The following FILIP1 variants were observed in gnomAD, a reference collection of about 807,000 sequenced individuals.
FILIP1 encodes filamin-A-interacting protein 1.
A neutral mutation model predicts 102.1 loss-of-function variants in FILIP1; 61 were observed. The observed-to-expected ratio is 0.60, with a 90% CI of 0.49 to 0.74. The LOEUF (loss-of-function observed/expected upper bound fraction) is 0.74. FILIP1 is among the 30% of genes least tolerant of loss of function. FILIP1 has a pLI of 0.00. For synonymous variants in FILIP1, 491 were observed against 526.9 expected, an observed-to-expected ratio of 0.93 and a Z score of 0.93; for missense variants, 1,314 against 1,441.2, an observed-to-expected ratio of 0.91 and a Z score of 1.43.
At chr6:75,400,229 T>C (rs1478114642) in intron 2 of FILIP1, among the ~76,000 whole-genome samples, 1 of 152,182 alleles carries the variant, frequency 6.6e-6, no homozygotes, top group Non-Finnish European at 1.5e-5. Flanking sequence ...CCTTTGCATT[T>C]AACATGCAAT....
rs1265941176 is a variant in FILIP1, at chr6:75,325,602, AG to A, written c.630-10401del. Among the ~76,000 whole-genome samples, 4 of 152,236 alleles carry A rather than the reference AG, an allele frequency of 2.6e-5. No individual in the cohort carries two copies. The East Asian group carries it at 5.8e-4, about 22-fold the overall frequency. On this transcript the variant is annotated intron_variant, in intron 4 of 5. Transcript: ENST00000237172. ...AGGACATGAATAGACAATTCTCAAAAGATGATATACCAACAGCCAACAAACA... is the reference window on the plus strand; with the variant it reads ...AGGACATGAATAGACAATTCTCAAAAATGATATACCAACAGCCAACAAACA...
chr6:75,415,076 G>A (rs2808201), intron 1 of FILIP1, 98 bp from the exon 2 acceptor site: 673,776 of 1,061,812 alleles, frequency 0.63, 215,914 homozygotes, highest in African/African-American at 0.81. Flanking sequence ...TTACCACATC[G>A]CCAATAAGGA....
At chr6:75,482,447 G>C (rs771791957) in intron 1 of FILIP1, among the ~76,000 whole-genome samples, 7 of 152,128 alleles carry the variant, frequency 4.6e-5, no homozygotes, top group Non-Finnish European at 5.9e-5. Context: ...GGATAGGAGC[G>C]TTTCCAGCTA....
chr6:75,310,579 T>G (rs1373228149), intron 5 of FILIP1, among the ~76,000 whole-genome samples: 1 of 152,356 alleles, frequency 6.6e-6, no homozygotes, highest in East Asian at 1.9e-4. Context: ...GCTACCCGTG[T>G]ATGAGGTTTA....
chr6:75,438,049 T>C (rs758718844), intron 1 of FILIP1, among the ~76,000 whole-genome samples: 8 of 152,258 alleles, frequency 5.3e-5, no homozygotes, highest in Non-Finnish European at 1.0e-4. Context: ...ATTATCTCTG[T>C]TACATTCCAT....
intron 1 of FILIP1, among the ~76,000 whole-genome samples, chr6:75,421,895 A>G (rs1777481734): frequency 6.6e-6 from 1 of 152,160 alleles, no homozygotes. Flanking sequence ...ACCAGGACTC[A>G]TGTCTCATGA....
At position 75,362,931 on chromosome 6, in the gene FILIP1, T is replaced by G; in HGVS notation, c.277-14A>C. 1.2e-6 allele frequency: 2 copies of G among 1,611,484 alleles called. No individual in the cohort carries two copies. Among genetic ancestry groups the G allele is most frequent in the East Asian group, 2.2e-5 (1 of 44,856 alleles). On this transcript the variant is annotated splice_polypyrimidine_tract_variant and intron_variant, in intron 2 of 5. Transcript: ENST00000237172. ...ATCTTCTCTGGCCTGTAATAGAAAG[T>G]GCAGCAAGATCAGACGACTGACAAT...
At chr6:75,333,989 T>C (rs1325622665) in intron 4 of FILIP1, among the ~76,000 whole-genome samples, 1 of 152,200 alleles carries the variant, frequency 6.6e-6, no homozygotes, top group African/African-American at 2.4e-5. Flanking sequence ...TTTGGATCGC[T>C]ATGCATTCTA....
intron 1 of FILIP1, among the ~76,000 whole-genome samples, chr6:75,470,094 G>C (rs901602795): frequency 1.3e-5 from 2 of 152,024 alleles, no homozygotes; most frequent in African/African-American, 4.8e-5. Context: ...ACCATAGTAA[G>C]TTGTATAAAT....
intron 1 of FILIP1, among the ~76,000 whole-genome samples, chr6:75,484,446 CTGTCTTTTAAAGTACTTTTAAAGT>C (rs1779729592): frequency 6.6e-6 from 1 of 150,588 alleles, no homozygotes; most frequent in Non-Finnish European, 1.5e-5. Flanking sequence ...TTTTAAAGTA[CTGTCTTTTAAAGTACTTTTAAAGT>C]ACTGTCTTTA....
chr6:75,348,894 T>C (rs1219750109), intron 4 of FILIP1, among the ~76,000 whole-genome samples: 1 of 152,208 alleles, frequency 6.6e-6, no homozygotes, highest in African/African-American at 2.4e-5. Context: ...TGTGCTTATA[T>C]CTTCATGATA....
At chr6:75,445,153 C>A (rs1180484740) in intron 1 of FILIP1, among the ~76,000 whole-genome samples, 1 of 152,104 alleles carries the variant, frequency 6.6e-6, no homozygotes, top group Non-Finnish European at 1.5e-5. Flanking sequence ...GCCCCTCCAA[C>A]TCATACACTT....
intron 1 of FILIP1, 41 bp from the exon 2 acceptor site, chr6:75,415,019 A>G: frequency 6.4e-7 from 1 of 1,556,982 alleles, no homozygotes; most frequent in Non-Finnish European, 8.7e-7. Flanking sequence ...GTTCTTTACC[A>G]CCATCAAAAT....
chr6:75,343,144 C>T (rs1489637042), intron 4 of FILIP1, among the ~76,000 whole-genome samples: 1 of 152,118 alleles, frequency 6.6e-6, no homozygotes, highest in Non-Finnish European at 1.5e-5. Flanking sequence ...TCTCTACATA[C>T]ACATGAACTG....
chr6:75,374,523 C>T lies in FILIP1; in HGVS notation c.277-11606G>A, dbSNP rs569044455. Among the ~76,000 whole-genome samples the T allele has an allele frequency of 1.5e-4, 23 of 152,268 alleles. No individual in the cohort carries two copies. In the South Asian group the frequency reaches 3.3e-3, roughly 22 times the overall value. On this transcript the variant is annotated intron_variant, in intron 2 of 5. Coordinates refer to ENST00000237172, the MANE Select transcript of FILIP1 (RefSeq NM_015687.5). Reference sequence around the variant, plus strand: ...CCTCCTGAGTAGCTGGGACTACAGGCGCGTGCCACCACGCCAGACTAATTT... The same window carrying T: ...CCTCCTGAGTAGCTGGGACTACAGGTGCGTGCCACCACGCCAGACTAATTT...
exon 7 of FILIP1, chr6:75,295,628 A>G (rs531823359): frequency 3.7e-5 from 10 of 266,710 alleles, no homozygotes; most frequent in African/African-American, 2.2e-4. Context: ...AATGTATTAT[A>G]AAATATAAGT....
chr6:75,353,866 T>A (rs1774897174), intron 3 of FILIP1, 149 bp from the exon 4 acceptor site: 1 of 764,140 alleles, frequency 1.3e-6, no homozygotes, highest in African/African-American at 1.8e-5. Context: ...ATTGTATCAG[T>A]TTCTTTATGC....
chr6:75,461,873 T>C lies in FILIP1; in HGVS notation c.-7+31541A>G, dbSNP rs1779032876. 2.6e-5 allele frequency among the ~76,000 whole-genome samples: 4 copies of C among 152,124 alleles called. No individual in the cohort carries two copies. The South Asian group carries it at 8.3e-4, about 32-fold the overall frequency. ...AGGAGAAGAGAGGATGGGGTGTGCG[T>C]GCTCAGAGGGGGCAATAGGAAGTAT... On this transcript the variant is annotated intron_variant, in intron 1 of 5. Coordinates refer to ENST00000237172, the MANE Select transcript of FILIP1 (RefSeq NM_015687.5).
intron 2 of FILIP1, among the ~76,000 whole-genome samples, chr6:75,377,441 T>C (rs1775783959): frequency 6.6e-6 from 1 of 152,222 alleles, no homozygotes. Flanking sequence ...ATCTCATATG[T>C]ACTGTTACCT....
Sources: allele counts gnomAD v4.1 joint callset (sites outside exome capture counted in the v4.1 genomes callset), GRCh38; gene constraint gnomAD v4.1.1; transcripts MANE v1.5; gene names NCBI Gene and HGNC (gene_info 2026-07-23, HGNC 2026-07-21).